The following METTL13 variants were observed in gnomAD, a reference collection of about 807,000 sequenced individuals.
The protein encoded by METTL13 is eEF1A lysine and N-terminal methyltransferase.
In METTL13, 52 loss-of-function variants were observed where a neutral mutation model predicts 67.4. The ratio of observed to expected loss-of-function variants is 0.77; its 90% CI spans 0.62 to 0.97. The LOEUF is 0.97. METTL13 is among the 50% of genes least tolerant of loss of function. METTL13 has a pLI of 0.00. For synonymous variants in METTL13, 354 were observed against 353.6 expected, an observed-to-expected ratio of 1.00 and a Z score of -0.01; for missense variants, 825 against 889.6, an observed-to-expected ratio of 0.93 and a Z score of 0.92.
intron 6 of METTL13, among the ~76,000 whole-genome samples, chr1:171,793,056 C>G (rs770643378): frequency 1.3e-5 from 2 of 152,120 alleles, no homozygotes; most frequent in Non-Finnish European, 2.9e-5. Flanking sequence ...TTCTGGAGCT[C>G]GAGTCCTTCG....
chr1:171,790,335 A>G, intron 4 of METTL13, 117 bp from the exon 5 acceptor site: 1 of 1,222,790 alleles, frequency 8.2e-7, no homozygotes. Context: ...CCAGTTTGCA[A>G]AATTTTAACG....
chr1:171,784,755 G>C (rs754308257), intron 2 of METTL13, among the ~76,000 whole-genome samples: 25 of 152,222 alleles, frequency 1.6e-4, no homozygotes, highest in Non-Finnish European at 3.2e-4. Flanking sequence ...GATGAAGTGT[G>C]AGAATGGGGT....
intron 3 of METTL13, among the ~76,000 whole-genome samples, chr1:171,786,439 A>G (rs1198315672): frequency 6.6e-6 from 1 of 152,176 alleles, no homozygotes; most frequent in Non-Finnish European, 1.5e-5. Flanking sequence ...AACTATCATT[A>G]TCTGAGGGTA....
At chr1:171,795,441 C>G (rs1571172881) in intron 7 of METTL13, among the ~76,000 whole-genome samples, 1 of 152,164 alleles carries the variant, frequency 6.6e-6, no homozygotes, top group East Asian at 1.9e-4. Flanking sequence ...TGCTACCACA[C>G]AGTTTTACAA....
chr1:171,787,045 C>T (rs1387556061), intron 3 of METTL13, among the ~76,000 whole-genome samples: 1 of 152,046 alleles, frequency 6.6e-6, no homozygotes, highest in East Asian at 1.9e-4. Flanking sequence ...TTTGATTCTT[C>T]CTGGCCAACT....
Position 171,782,041 on chromosome 1 carries a change from G to A in METTL13, c.74G>A (p.Gly25Glu), listed in dbSNP as rs767644590. ...DYWEKFFQQRGKKAFEWYGTY... is the reference protein window; with the variant it reads ...DYWEKFFQQREKKAFEWYGTY... ...TGGGAGAAGTTCTTCCAGCAGCGAGGAAAGAAAGCTTTCGAGTGGTATGGA... is the reference window on the plus strand; with the variant it reads ...TGGGAGAAGTTCTTCCAGCAGCGAGAAAAGAAAGCTTTCGAGTGGTATGGA... The change falls in exon 1 of 8, where the codon GGA (glycine) becomes GAA (glutamate). Residue 25 changes from glycine to glutamate, a missense_variant. Physicochemically the swap from Gly to Glu is moderately conservative, Grantham distance 98. Coordinates refer to ENST00000361735, the MANE Select transcript of METTL13 (RefSeq NM_015935.5). 1 of 1,613,994 alleles carries A rather than the reference G, an allele frequency of 6.2e-7. No homozygotes were observed. The highest frequency in any genetic ancestry group is 8.5e-7 in the Non-Finnish European group (1 of 1,180,026).
intron 7 of METTL13, among the ~76,000 whole-genome samples, chr1:171,795,865 T>C (rs1657352696): frequency 6.6e-6 from 1 of 152,202 alleles, no homozygotes; most frequent in African/African-American, 2.4e-5. Context: ...TCACTTTCTA[T>C]TGATTGATTG....
intron 1 of METTL13, 46 bp from the exon 2 acceptor site, chr1:171,783,694 C>T: frequency 2.6e-6 from 4 of 1,563,444 alleles, no homozygotes; most frequent in Non-Finnish European, 3.5e-6. Context: ...GAAGTACAGT[C>T]CTTTGCTTTG....
intron 6 of METTL13, 40 bp from the exon 7 acceptor site, chr1:171,794,356 A>G (rs1282116727): frequency 6.2e-7 from 1 of 1,613,484 alleles, no homozygotes; most frequent in African/African-American, 1.3e-5. Flanking sequence ...GTATTATTTT[A>G]TCCAGCAAAG....
chr1:171,784,950 A>G (rs904979364), intron 2 of METTL13, among the ~76,000 whole-genome samples: 4 of 152,200 alleles, frequency 2.6e-5, no homozygotes, highest in African/African-American at 9.6e-5. Flanking sequence ...TCTCTGCAAA[A>G]TTTGGAGAGG....
At chr1:171,795,086 A>G (rs891880305) in intron 7 of METTL13, among the ~76,000 whole-genome samples, 16 of 152,190 alleles carry the variant, frequency 1.1e-4, no homozygotes, top group African/African-American at 3.4e-4. Context: ...TTGGCCTCCC[A>G]AAGTGCTGGG....
intron 3 of METTL13, 111 bp downstream of exon 3, chr1:171,786,189 A>C: frequency 8.6e-7 from 1 of 1,164,700 alleles, no homozygotes; most frequent in Non-Finnish European, 1.2e-6. Flanking sequence ...CTCTTCATCT[A>C]ATCCTGGAGG....
chr1:171,783,716 C>G, intron 1 of METTL13, 24 bp from the exon 2 acceptor site: 1 of 1,583,268 alleles, frequency 6.3e-7, no homozygotes, highest in Non-Finnish European at 8.6e-7. Flanking sequence ...TTACCTCCCT[C>G]TTGTCTGTGA....
chr1:171,791,905 G>A (rs1327211272), intron 5 of METTL13, 112 bp from the exon 6 acceptor site: 4 of 1,044,760 alleles, frequency 3.8e-6, no homozygotes, highest in Middle Eastern at 6.3e-4. Context: ...TCTAAATCTT[G>A]TATCCCCTGA....
chr1:171,790,873 G>T (rs1046325091), intron 5 of METTL13: 2 of 308,672 alleles, frequency 6.5e-6, no homozygotes, highest in East Asian at 5.6e-5. Flanking sequence ...TAAAATTAAG[G>T]TATATCATGT....
At chr1:171,785,004 T>G (rs1656964470) in intron 2 of METTL13, among the ~76,000 whole-genome samples, 2 of 152,186 alleles carry the variant, frequency 1.3e-5, no homozygotes, top group African/African-American at 4.8e-5. Context: ...GGAACCAGAC[T>G]GTTTGGGTTT....
intron 3 of METTL13, among the ~76,000 whole-genome samples, chr1:171,787,503 A>G (rs754776742): frequency 7.2e-5 from 11 of 152,108 alleles, no homozygotes; most frequent in Non-Finnish European, 1.0e-4. Flanking sequence ...GCATCTCACT[A>G]GTTGTTTGGG....
Position 171,790,517 on chromosome 1 carries a change from G to T in METTL13, c.1375G>T (p.Ala459Ser). Reference protein sequence around the residue: ...RPADAEDLPAAPGQSIDKSYL... With the variant: ...RPADAEDLPASPGQSIDKSYL... ...TGCTGATGCGGAGGACCTCCCTGCA[G>T]CCCCGGGGCAGTCCATTGATAAGAG... Residue 459 changes from alanine to serine, a missense_variant, in exon 5 of 8, where the codon GCC becomes TCC. Coordinates refer to ENST00000361735, the MANE Select transcript of METTL13 (RefSeq NM_015935.5). 1 of 1,612,538 alleles carries T rather than the reference G, an allele frequency of 6.2e-7. No homozygotes were observed. The highest frequency in any genetic ancestry group is 1.3e-5 in the African/African-American group (1 of 74,942).
intron 2 of METTL13, among the ~76,000 whole-genome samples, chr1:171,785,357 A>G (rs1656975171): frequency 2.6e-5 from 4 of 152,158 alleles, no homozygotes; most frequent in Admixed American, 2.6e-4. Flanking sequence ...CTGTCTGTCC[A>G]TGTGTGGAAA....
Sources: allele counts gnomAD v4.1 joint callset (sites outside exome capture counted in the v4.1 genomes callset), GRCh38; gene constraint gnomAD v4.1.1; transcripts MANE v1.5; gene names NCBI Gene and HGNC (gene_info 2026-07-23, HGNC 2026-07-21).